The following HIP1 variants were observed in gnomAD, a reference collection of about 807,000 sequenced individuals.
HIP1 encodes huntingtin interacting protein 1.
In HIP1, 65 loss-of-function variants were observed where a neutral mutation model predicts 147.6. The observed-to-expected ratio is 0.44, with a 90% CI of 0.36 to 0.54. HIP1 has a LOEUF of 0.54. HIP1 is among the 20% of genes least tolerant of loss of function. HIP1 has a pLI of 0.00. For synonymous variants in HIP1, 479 were observed against 504.0 expected, an observed-to-expected ratio of 0.95 and a Z score of 0.67; for missense variants, 1,061 against 1,299.6, an observed-to-expected ratio of 0.82 and a Z score of 2.82.
chr7:75,650,230 C>G (rs1202820315), intron 1 of HIP1, among the ~76,000 whole-genome samples: 1 of 152,112 alleles, frequency 6.6e-6, no homozygotes, highest in African/African-American at 2.4e-5. Context: ...GGGAGCCACT[C>G]AGCCAAGTCC....
chr7:75,658,332 C>T (rs570543169), intron 1 of HIP1, among the ~76,000 whole-genome samples: 100 of 152,326 alleles, frequency 6.6e-4, no homozygotes, highest in African/African-American at 2.4e-3. Context: ...AGGTGATACC[C>T]CCCAACCTTG....
chr7:75,639,770 T>C (rs1418720176), intron 1 of HIP1, among the ~76,000 whole-genome samples: 4 of 152,094 alleles, frequency 2.6e-5, no homozygotes, highest in Admixed American at 2.6e-4. Context: ...CCCACTTGGC[T>C]TCCCTGGACA....
rs141582761 is a variant in HIP1, at chr7:75,614,357, A to G, written c.121-15110T>C. On this transcript the variant is annotated intron_variant, in intron 1 of 30. Coordinates refer to ENST00000336926, the MANE Select transcript of HIP1 (RefSeq NM_005338.7). ...GCTGGGCCCTAAAATGGTGAATTTT[A>G]TGGTATGTATATTTTACCACCACAC... Among the ~76,000 whole-genome samples, 213 of 152,222 alleles carry G rather than the reference A, an allele frequency of 1.4e-3. 2 individuals are homozygous for G. Among genetic ancestry groups the G allele is most frequent in the African/African-American group, 4.8e-3 (200 of 41,530 alleles).
At chr7:75,710,143 C>T (rs1236326257) in intron 1 of HIP1, among the ~76,000 whole-genome samples, 13 of 152,226 alleles carry the variant, frequency 8.5e-5, no homozygotes, top group East Asian at 3.9e-4. Context: ...CGTGATCCTC[C>T]GACCTTGGCC....
At chr7:75,682,561 A>G (rs1554517057) in intron 1 of HIP1, among the ~76,000 whole-genome samples, 1 of 148,720 alleles carries the variant, frequency 6.7e-6, no homozygotes, top group African/African-American at 2.5e-5. Flanking sequence ...TGCCTGGCCA[A>G]CATCCTCATT....
chr7:75,702,203 G>A (rs1273253901), intron 1 of HIP1, among the ~76,000 whole-genome samples: 3 of 151,350 alleles, frequency 2.0e-5, no homozygotes, highest in African/African-American at 7.3e-5. Context: ...CTCTGCCTTC[G>A]GAGTTCAAGC....
chr7:75,688,308 G>A (rs1219522497), intron 1 of HIP1, among the ~76,000 whole-genome samples: 2 of 152,030 alleles, frequency 1.3e-5, no homozygotes, highest in East Asian at 1.9e-4. Flanking sequence ...GGAGGGAAAG[G>A]GAGACTCCTC....
intron 1 of HIP1, among the ~76,000 whole-genome samples, chr7:75,720,766 C>A (rs369052694): frequency 1.3e-5 from 2 of 151,864 alleles, no homozygotes; most frequent in African/African-American, 4.8e-5. Flanking sequence ...CAGCCGGGTG[C>A]GGTGGCTCAC....
chr7:75,578,140 C>T (rs1795909013), intron 7 of HIP1, among the ~76,000 whole-genome samples: 1 of 152,210 alleles, frequency 6.6e-6, no homozygotes. Flanking sequence ...ACCATCTCCG[C>T]TTACTCATGG....
intron 1 of HIP1, among the ~76,000 whole-genome samples, chr7:75,637,990 C>CA (rs1563261764): frequency 2.3e-5 from 1 of 43,550 alleles, no homozygotes; most frequent in Non-Finnish European, 5.7e-5. Flanking sequence ...CCCCCCCCCC[C>CA]CCCACACACA....
intron 29 of HIP1, among the ~76,000 whole-genome samples, chr7:75,540,769 A>G (rs1181830434): frequency 1.3e-5 from 2 of 152,176 alleles, no homozygotes; most frequent in East Asian, 3.8e-4. Flanking sequence ...ATATGACTTT[A>G]TAGAACAACA....
chr7:75,635,821 G>C (rs1230266993), intron 1 of HIP1, among the ~76,000 whole-genome samples: 1 of 151,448 alleles, frequency 6.6e-6, no homozygotes, highest in African/African-American at 2.4e-5. Context: ...CCAGGAGTTC[G>C]ACACCAGCCT....
chr7:75,540,600 G>A (rs1174238343), intron 29 of HIP1, among the ~76,000 whole-genome samples: 4 of 151,870 alleles, frequency 2.6e-5, no homozygotes, highest in Admixed American at 2.6e-4. Flanking sequence ...AACAGAGCAA[G>A]GCCCTGACTC....
At chr7:75,615,581 T>C (rs1797626318) in intron 1 of HIP1, among the ~76,000 whole-genome samples, 1 of 152,036 alleles carries the variant, frequency 6.6e-6, no homozygotes. Flanking sequence ...GATCTTGTCC[T>C]CAAAGGGACA....
At chr7:75,684,158 A>G (rs1464915012) in intron 1 of HIP1, among the ~76,000 whole-genome samples, 1 of 151,884 alleles carries the variant, frequency 6.6e-6, no homozygotes, top group Non-Finnish European at 1.5e-5. Flanking sequence ...AAAAAACCAC[A>G]CAAAAAGGCT....
chr7:75,693,113 C>T (rs1420645382), intron 1 of HIP1, among the ~76,000 whole-genome samples: 3 of 150,948 alleles, frequency 2.0e-5, no homozygotes, highest in African/African-American at 7.3e-5. Context: ...TGCAGTGAGC[C>T]GAGATCATGC....
chr7:75,679,737 G>A (rs1171567756), intron 1 of HIP1, among the ~76,000 whole-genome samples: 1 of 151,972 alleles, frequency 6.6e-6, no homozygotes, highest in Non-Finnish European at 1.5e-5. Flanking sequence ...GGTAGACCCA[G>A]CCCCACTTCG....
chr7:75,693,915 T>TTCTC, intron 1 of HIP1, among the ~76,000 whole-genome samples: 1 of 109,432 alleles, frequency 9.1e-6, no homozygotes, highest in East Asian at 2.6e-4. Context: ...TCCAATTCTC[T>TTCTC]TTTCTTTTTT....
At chr7:75,689,144 G>C (rs965521163) in intron 1 of HIP1, among the ~76,000 whole-genome samples, 3 of 152,066 alleles carry the variant, frequency 2.0e-5, no homozygotes, top group East Asian at 3.9e-4. Context: ...GAACCCAAGA[G>C]TTGGAGACCA....
Sources: allele counts gnomAD v4.1 joint callset (sites outside exome capture counted in the v4.1 genomes callset), GRCh38; gene constraint gnomAD v4.1.1; transcripts MANE v1.5; gene names NCBI Gene and HGNC (gene_info 2026-07-23, HGNC 2026-07-21).